SLX4IP: variants seen among roughly 807,000 people sequenced by gnomAD.
The protein encoded by SLX4IP is protein SLX4IP.
SLX4IP carries 34 observed loss-of-function variants against 32.9 expected under a neutral mutation model. That is an observed-to-expected ratio of 1.03 (90% confidence interval 0.79 to 1.38). The LOEUF (loss-of-function observed/expected upper bound fraction) is 1.38. SLX4IP is among the 40% of genes most tolerant of loss of function. The pLI, the probability that SLX4IP is intolerant of heterozygous loss-of-function variation, is 0.00. For missense variants in SLX4IP, 444 were observed against 479.0 expected (o/e 0.93, Z 0.68); for synonymous variants, 172 against 171.7 (o/e 1.00, Z -0.01).
chr20:10,593,705 C>CA (rs2051906028), intron 4 of SLX4IP, among the ~76,000 whole-genome samples: 1 of 152,046 alleles, frequency 6.6e-6, no homozygotes, highest in Non-Finnish European at 1.5e-5. Context: ...CACTGCACTC[C>CA]AGCCTGGGCA....
At chr20:10,486,184 A>ATTTT (rs34444606) in intron 2 of SLX4IP, among the ~76,000 whole-genome samples, 1 of 145,066 alleles carries the variant, frequency 6.9e-6, no homozygotes. Flanking sequence ...CCTTGCTTAA[A>ATTTT]TTTTTTTTTT....
intron 4 of SLX4IP, among the ~76,000 whole-genome samples, chr20:10,597,959 A>G (rs1199221812): frequency 6.6e-6 from 1 of 152,236 alleles, no homozygotes; most frequent in Non-Finnish European, 1.5e-5. Flanking sequence ...ATTTTGACAT[A>G]CTTGAATTAA....
intron 2 of SLX4IP, among the ~76,000 whole-genome samples, chr20:10,473,606 CTTTTT>C (rs33939350): frequency 7.4e-6 from 1 of 136,002 alleles, no homozygotes. Context: ...AGTTCTGTTT[CTTTTT>C]TTTTTTTTTG....
Position 10,439,894 on chromosome 20 carries a change from C to T in SLX4IP, c.-30+4441C>T, listed in dbSNP as rs1337190131. On this transcript the variant is annotated intron_variant, in intron 1 of 7. Coordinates refer to ENST00000334534, the MANE Select transcript of SLX4IP (RefSeq NM_001009608.3). ...TTTGTCAGGGAGATGGGGAGTACCACTTATATTTTGAGTTGATGTAAGTAT... is the reference window on the plus strand; with the variant it reads ...TTTGTCAGGGAGATGGGGAGTACCATTTATATTTTGAGTTGATGTAAGTAT... 5.3e-5 allele frequency among the ~76,000 whole-genome samples: 8 copies of T among 152,262 alleles called. No homozygotes were observed. The South Asian group carries it at 1.7e-3, about 32-fold the overall frequency.
At chr20:10,447,449 C>T (rs1017144050) in intron 1 of SLX4IP, among the ~76,000 whole-genome samples, 3 of 151,828 alleles carry the variant, frequency 2.0e-5, no homozygotes, top group Admixed American at 6.6e-5. Context: ...GAGGATGTCT[C>T]GTATATATTT....
chr20:10,455,517 T>A (rs1458446039), intron 1 of SLX4IP, among the ~76,000 whole-genome samples: 1 of 152,112 alleles, frequency 6.6e-6, no homozygotes, highest in Non-Finnish European at 1.5e-5. Flanking sequence ...TTGTTGAAAA[T>A]CAATTGAACA....
At chr20:10,461,257 A>G (rs2065335482) in intron 2 of SLX4IP, among the ~76,000 whole-genome samples, 1 of 152,228 alleles carries the variant, frequency 6.6e-6, no homozygotes, top group Admixed American at 6.5e-5. Context: ...CTTGGACGTG[A>G]GGCCCCTAAT....
At position 10,621,396 on chromosome 20, in the gene SLX4IP, G is replaced by T; in HGVS notation, c.488G>T (p.Arg163Ile). 6.2e-7 allele frequency: 1 copy of T among 1,614,150 alleles called. No individual in the cohort carries two copies. The highest frequency in any genetic ancestry group is 8.5e-7 in the Non-Finnish European group (1 of 1,179,988). Residue 163 changes from arginine (R) to isoleucine (I), a missense_variant, in exon 7 of 8, where the codon AGA (arginine) becomes ATA (isoleucine). Transcript: ENST00000334534. ...CTTCCTCCCAGTGCAAAGCTCCGGA[G>T]AAATGCTCTGAAAGAAATGTAGGTG... is the stretch of plus-strand genomic sequence containing the variant. ...SSLPPSAKLR[R>I]NALKEIVKRT... is the part of the protein sequence containing the mutation.
chr20:10,507,904 T>TA (rs1568714581), intron 2 of SLX4IP, among the ~76,000 whole-genome samples: 3 of 147,118 alleles, frequency 2.0e-5, no homozygotes, highest in Middle Eastern at 3.3e-3. Context: ...ACAGTCTCCT[T>TA]TATATATATA....
intron 2 of SLX4IP, among the ~76,000 whole-genome samples, chr20:10,458,553 T>TC (rs1257368210): frequency 6.6e-6 from 1 of 151,988 alleles, no homozygotes; most frequent in Non-Finnish European, 1.5e-5. Context: ...GTGTGCTGTT[T>TC]CCCCCCATGT....
intron 2 of SLX4IP, among the ~76,000 whole-genome samples, chr20:10,464,015 A>T (rs570033944): frequency 6.6e-6 from 1 of 152,204 alleles, no homozygotes; most frequent in African/African-American, 2.4e-5. Flanking sequence ...TTTTCCACAT[A>T]AAGTATATAA....
intron 6 of SLX4IP, among the ~76,000 whole-genome samples, chr20:10,608,394 G>A (rs1307213716): frequency 3.3e-5 from 5 of 152,126 alleles, no homozygotes; most frequent in South Asian, 2.1e-4. Context: ...GGCCAGGCGC[G>A]GTGGCTCATG....
chr20:10,461,278 A>G (rs376807330), intron 2 of SLX4IP, among the ~76,000 whole-genome samples: 1 of 152,218 alleles, frequency 6.6e-6, no homozygotes, highest in East Asian at 1.9e-4. Flanking sequence ...TATGCAAGAG[A>G]TGGGTCTGTT....
In SLX4IP at chr20:10,512,146, C is replaced by T. The variant is rs1280315016; in HGVS notation, c.28-44085C>T. On this transcript the variant is annotated intron_variant, in intron 2 of 7. Coordinates refer to ENST00000334534, the MANE Select transcript of SLX4IP (RefSeq NM_001009608.3). ...CATCTCTGCCATTATTGCACAAAAG[C>T]AGACATAGGCAATATGTAAACAAGT... Among the ~76,000 whole-genome samples the T allele has an allele frequency of 2.0e-5, 3 of 152,254 alleles. No individual in the cohort carries two copies. The East Asian group carries it at 5.8e-4, about 29-fold the overall frequency.
At chr20:10,535,617 G>A (rs762315508) in intron 2 of SLX4IP, among the ~76,000 whole-genome samples, 3 of 152,090 alleles carry the variant, frequency 2.0e-5, no homozygotes, top group South Asian at 2.1e-4. Flanking sequence ...TACTGCGCCC[G>A]GCCCAAGAAC....
rs111283156 is a variant in SLX4IP at position 10,621,729 on chromosome 20, A to T, written c.506+315A>T. 9.4e-4 allele frequency among the ~76,000 whole-genome samples: 143 copies of T among 152,246 alleles called. 2 individuals carry two copies. Among genetic ancestry groups the T allele is most frequent in the Middle Eastern group, 3.4e-3 (1 of 294 alleles). ...GAAAAAAAAAAATTCCTTTCCTAGGATCCTTGTTCCGACTTTAATATAATT... is the reference window on the plus strand; with the variant it reads ...GAAAAAAAAAAATTCCTTTCCTAGGTTCCTTGTTCCGACTTTAATATAATT... On this transcript the variant is annotated intron_variant, in intron 7 of 7. Transcript: ENST00000334534.
chr20:10,517,604 A>G (rs534338638), intron 2 of SLX4IP, among the ~76,000 whole-genome samples: 45 of 152,320 alleles, frequency 3.0e-4, no homozygotes, highest in African/African-American at 1.1e-3. Flanking sequence ...ACATCTCAGT[A>G]GCTACATTTC....
chr20:10,526,638 T>C (rs762743692), intron 2 of SLX4IP, among the ~76,000 whole-genome samples: 4 of 151,664 alleles, frequency 2.6e-5, no homozygotes, highest in Admixed American at 2.0e-4. Context: ...TTCTCTCCCC[T>C]CTCTCTCTCT....
At chr20:10,496,362 C>T (rs1045151904) in intron 2 of SLX4IP, among the ~76,000 whole-genome samples, 2 of 152,078 alleles carry the variant, frequency 1.3e-5, no homozygotes, top group Non-Finnish European at 2.9e-5. Flanking sequence ...ATTCATCATA[C>T]ACAGTAATTC....
Sources: allele counts gnomAD v4.1 joint callset (sites outside exome capture counted in the v4.1 genomes callset), GRCh38; gene constraint gnomAD v4.1.1; transcripts MANE v1.5; gene names NCBI Gene and HGNC (gene_info 2026-07-23, HGNC 2026-07-21).